Variants in GPR4 observed in about 807,000 individuals in gnomAD.
The protein encoded by GPR4 is G protein-coupled receptor 4, also known as G-prodeshotein coupled receptor 4.
GPR4 carries 11 observed loss-of-function variants against 17.8 expected under a neutral mutation model. The ratio of observed to expected loss-of-function variants is 0.62; its 90% CI spans 0.39 to 1.02. The LOEUF is 1.02. GPR4 is among the 50% of genes least tolerant of loss of function. The pLI, the probability that GPR4 is intolerant of heterozygous loss-of-function variation, is 0.00. For missense variants in GPR4, 364 were observed against 495.4 expected (o/e 0.73, Z 2.52); for synonymous variants, 219 against 222.8 (o/e 0.98, Z 0.15).
rs774645776 is a variant in GPR4 at position 45,590,729 on chromosome 19, G to A, written c.*49C>T. On this transcript the variant is annotated 3_prime_UTR_variant, in exon 2 of 2. Transcript: ENST00000323040. ...TGCATACACCAGACCAGGAGAGAAG[G>A]GACTGTGGGATGAGAGGGGAAAACT... 1 of 1,527,400 alleles carries A rather than the reference G, an allele frequency of 6.5e-7. No individual in the cohort carries two copies. The highest frequency in any genetic ancestry group is 2.1e-5 in the Admixed American group (1 of 46,820). The allele number at this position is 1,527,400 out of a possible 1,614,324, so 94.6% of individuals were successfully genotyped here. A position where few individuals can be genotyped will look rare whatever the true frequency, so the allele number is the denominator to read the frequency against.
chr19:45,590,989 G>A lies in GPR4; in HGVS notation c.878C>T (p.Ala293Val). The A allele has an allele frequency of 1.9e-6, 3 of 1,613,902 alleles. No individual in the cohort carries two copies. The highest frequency in any genetic ancestry group is 2.5e-6 in the Non-Finnish European group (3 of 1,180,020). ...PILYCLVNEG[A>V]RSDVAKALHN... ...CAGGGCCTTGGCCACATCGCTGCGG[G>A]CGCCCTCGTTGACCAGGCAGTAGAG... The change falls in exon 2 of 2, where the codon GCC (alanine) becomes GTC (valine). Residue 293 changes from alanine to valine, a missense_variant. This residue lies in a region of GPR4 where 92 missense variants were observed against 106.0 expected (regional missense o/e 0.87). Transcript: ENST00000323040.
chr19:45,596,039 T>C (rs1442228848), intron 1 of GPR4, among the ~76,000 whole-genome samples: 2 of 152,152 alleles, frequency 1.3e-5, no homozygotes, highest in Non-Finnish European at 2.9e-5. Flanking sequence ...TGAATCTGTG[T>C]GCGTCTCTCT....
intron 1 of GPR4, among the ~76,000 whole-genome samples, 155 bp downstream of exon 1, chr19:45,601,940 A>G (rs10411518): frequency 0.67 from 101,144 of 151,826 alleles, 35,663 homozygotes; most frequent in African/African-American, 0.9. Context: ...GACAGACGCA[A>G]AGCCAGGGAG....
Position 45,591,165 on chromosome 19 carries a change from C to T in GPR4, c.702G>A (p.Leu234=). Residue 234 remains leucine, a synonymous_variant, in exon 2 of 2, where the codon CTG becomes CTA. Transcript: ENST00000323040. This position sits in a 1 kb window ranked among gnomAD's most constrained non-coding sequence, Gnocchi z 7.6. ...GCACGTGATAGGGCGCAAAGCAGAC[C>T]AGCACGATGGCGATGAGGCTGAGGG... is the stretch of plus-strand genomic sequence containing the variant. The part of the protein sequence containing the change: ...RLALSLIAIV[L]VCFAPYHVLL... 1 of 1,613,614 alleles carries T rather than the reference C, an allele frequency of 6.2e-7. No homozygotes were observed. The highest frequency in any genetic ancestry group is 8.5e-7 in the Non-Finnish European group (1 of 1,179,996).
chr19:45,601,392 A>C (rs1970110403), intron 1 of GPR4, among the ~76,000 whole-genome samples: 2 of 152,094 alleles, frequency 1.3e-5, no homozygotes, highest in African/African-American at 4.8e-5. Flanking sequence ...CCCAGGCAGG[A>C]ATTCCTGAAA....
chr19:45,601,164 C>G (rs766844), intron 1 of GPR4, among the ~76,000 whole-genome samples: 1 of 152,178 alleles, frequency 6.6e-6, no homozygotes, highest in Non-Finnish European at 1.5e-5. Context: ...CTCTCCACTT[C>G]TGCGCCAAAC....
chr19:45,593,823 T>C (rs914218352), intron 1 of GPR4, among the ~76,000 whole-genome samples: 1 of 151,910 alleles, frequency 6.6e-6, no homozygotes, highest in Non-Finnish European at 1.5e-5. Context: ...CAAACGTTAA[T>C]TGAGCCCTAC....
intron 1 of GPR4, among the ~76,000 whole-genome samples, chr19:45,600,092 T>C (rs1970097658): frequency 2.0e-5 from 3 of 152,122 alleles, no homozygotes; most frequent in South Asian, 2.1e-4. Flanking sequence ...ATTTCTAAGA[T>C]TGTGCAGAAT....
At chr19:45,598,300 A>G (rs1970078188) in intron 1 of GPR4, among the ~76,000 whole-genome samples, 1 of 152,142 alleles carries the variant, frequency 6.6e-6, no homozygotes, top group South Asian at 2.1e-4. Flanking sequence ...TAGGGGGCTG[A>G]GACAAGAAAT....
chr19:45,594,919 G>C (rs1295209910), intron 1 of GPR4, among the ~76,000 whole-genome samples: 1 of 152,058 alleles, frequency 6.6e-6, no homozygotes, highest in African/African-American at 2.4e-5. Context: ...GGAGGCAGAG[G>C]TTGCAGTGAG....
At chr19:45,596,117 C>T (rs201327258) in intron 1 of GPR4, among the ~76,000 whole-genome samples, 1 of 152,190 alleles carries the variant, frequency 6.6e-6, no homozygotes, top group African/African-American at 2.4e-5. Context: ...ATTGCAGTAG[C>T]ATCACCATTG....
Position 45,592,016 on chromosome 19 carries a change from G to T in GPR4, c.-150C>A. On this transcript the variant is annotated 5_prime_UTR_variant, in exon 2 of 2. Transcript: ENST00000323040. ...TGGTCTACAGGGAAGAGATGAGGTT[G>T]GGTAGGCTGGGCTGGGCTGGGAAGG... 1 of 790,082 alleles carries T rather than the reference G, an allele frequency of 1.3e-6. No individual in the cohort carries two copies. Among genetic ancestry groups the T allele is most frequent in the Non-Finnish European group, 1.9e-6 (1 of 518,516 alleles). The allele number at this position is 790,082 out of a possible 1,614,324, so 48.9% of individuals were successfully genotyped here.
intron 1 of GPR4, among the ~76,000 whole-genome samples, chr19:45,595,066 CG>C (rs1454686376): frequency 6.6e-6 from 1 of 152,004 alleles, no homozygotes; most frequent in African/African-American, 2.4e-5. Flanking sequence ...CACCTGAGGT[CG>C]GGAGTTCGAG....
At chr19:45,599,479 T>C (rs565525372) in intron 1 of GPR4, among the ~76,000 whole-genome samples, 44 of 143,994 alleles carry the variant, frequency 3.1e-4, no homozygotes, top group African/African-American at 1.1e-3. Context: ...CCAGCTCCGG[T>C]CTGCTCATTA....
chr19:45,593,561 A>G (rs111471257), intron 1 of GPR4, among the ~76,000 whole-genome samples: 5 of 151,896 alleles, frequency 3.3e-5, no homozygotes, highest in African/African-American at 1.2e-4. Context: ...AGAAAAAGGG[A>G]AAAAAATGAC....
chr19:45,594,140 CTCCTGAGCTCAAGAGA>C (rs1276321837), intron 1 of GPR4, among the ~76,000 whole-genome samples: 1 of 140,488 alleles, frequency 7.1e-6, no homozygotes, highest in African/African-American at 2.7e-5. Context: ...GTCTCTTGAA[CTCCTGAGCTCAAGAGA>C]TCCTTCCCTG....
intron 1 of GPR4, among the ~76,000 whole-genome samples, chr19:45,594,363 A>AGGC (rs1970035552): frequency 6.9e-6 from 1 of 144,790 alleles, no homozygotes; most frequent in Non-Finnish European, 1.5e-5. Context: ...CGAAGGTTGC[A>AGGC]GTGAGCTGAG....
chr19:45,593,669 AT>A (rs1413154610), intron 1 of GPR4, among the ~76,000 whole-genome samples: 2 of 151,988 alleles, frequency 1.3e-5, no homozygotes, highest in African/African-American at 4.8e-5. Context: ...TAACTCTATC[AT>A]GTCACAGACA....
chr19:45,600,869 G>A (rs1358361720), intron 1 of GPR4, among the ~76,000 whole-genome samples: 1 of 152,154 alleles, frequency 6.6e-6, no homozygotes, highest in African/African-American at 2.4e-5. Flanking sequence ...GGAATTCCCA[G>A]GCCTCCCCTC....
Sources: gnomAD v4.1 joint callset for allele counts (sites outside exome capture counted in the v4.1 genomes callset) on GRCh38, gnomAD v4.1.1 for gene constraint, gnomAD v4.1.1 regional missense constraint, Gnocchi (gnomAD v3.1) non-coding constraint, MANE v1.5 for transcripts, NCBI Gene and HGNC (gene_info 2026-07-23, HGNC 2026-07-21) for gene names.